RYR3: variants seen among roughly 807,000 people sequenced by gnomAD.
The protein encoded by RYR3 is brain ryanodine receptor-calcium release channel.
A neutral mutation model predicts 584.3 loss-of-function variants in RYR3; 207 were observed. That is an observed-to-expected ratio of 0.35 (90% CI 0.32 to 0.40). The LOEUF (loss-of-function observed/expected upper bound fraction) is 0.40. Ranked by LOEUF, RYR3 falls within the 10% of genes least tolerant of loss-of-function variation. RYR3 has a pLI of 1.00. For missense variants in RYR3, 5,616 were observed against 6,089.2 expected (o/e 0.92, Z 2.59); for synonymous variants, 2,416 against 2,248.5 (o/e 1.07, Z -2.11).
At chr15:33,856,653 TGTTTGTTTG>T (rs1368263393) in intron 98 of RYR3, 1 of 79,124 alleles carries the variant, frequency 1.3e-5, no homozygotes, top group African/African-American at 5.5e-5. Flanking sequence ...TTGGGTTTTT[TGTTTGTTTG>T]TTTGTTTGTT....
intron 1 of RYR3, among the ~76,000 whole-genome samples, chr15:33,336,779 G>T (rs1345891324): frequency 6.6e-6 from 1 of 151,906 alleles, no homozygotes; most frequent in African/African-American, 2.4e-5. Flanking sequence ...AACTCTGGCC[G>T]GGCGTGGTGG....
chr15:33,719,635 G>A (rs1028293186), intron 43 of RYR3, among the ~76,000 whole-genome samples: 1 of 152,200 alleles, frequency 6.6e-6, no homozygotes, highest in African/African-American at 2.4e-5. Context: ...GATAAGTACT[G>A]GAGGCCAAAA....
At chr15:33,647,136 A>T (rs960120295) in intron 29 of RYR3, among the ~76,000 whole-genome samples, 1 of 152,212 alleles carries the variant, frequency 6.6e-6, no homozygotes, top group Admixed American at 6.5e-5. Flanking sequence ...AGGATAACCT[A>T]TTCAGAGGTA....
rs528736127 is a variant in RYR3, at chr15:33,559,255, C to T, written c.973-3582C>T. 4.6e-5 allele frequency among the ~76,000 whole-genome samples: 7 copies of T among 152,304 alleles called. No individual in the cohort carries two copies. The South Asian group carries it at 1.4e-3, about 32-fold the overall frequency. On this transcript the variant is annotated intron_variant, in intron 10 of 103. Coordinates refer to ENST00000634891, the MANE Select transcript of RYR3 (RefSeq NM_001036.6). ...AAACCATGAGATCAGAGAATGTGTA[C>T]AGGTATCCTCCAGCTTTGGCTAAGT... is the stretch of plus-strand genomic sequence containing the variant.
intron 43 of RYR3, among the ~76,000 whole-genome samples, chr15:33,707,489 C>T (rs1469156097): frequency 2.6e-5 from 4 of 152,082 alleles, no homozygotes; most frequent in Non-Finnish European, 4.4e-5. Context: ...GATAAGTAAA[C>T]TCCCAGGAGA....
intron 2 of RYR3, among the ~76,000 whole-genome samples, chr15:33,475,082 C>G (rs1330029851): frequency 6.6e-6 from 1 of 151,704 alleles, no homozygotes; most frequent in Admixed American, 6.6e-5. Flanking sequence ...TTTTCATTCC[C>G]GGCAGTCTGG....
chr15:33,576,419 A>G (rs1034915888), intron 12 of RYR3, among the ~76,000 whole-genome samples: 1 of 152,242 alleles, frequency 6.6e-6, no homozygotes, highest in Admixed American at 6.5e-5. Flanking sequence ...CTTATCTAGC[A>G]TGATCAAGTT....
In RYR3 at chr15:33,848,431, C is replaced by T. The variant is rs1293043217; in HGVS notation, c.13628+10C>T. ...TGGTGATCAACACACCGTGAGTGTC[C>T]CTCTACCCCAACCTAAAAAGGAGAT... On this transcript the variant is annotated intron_variant, in intron 94 of 103. Coordinates refer to ENST00000634891, the MANE Select transcript of RYR3 (RefSeq NM_001036.6). 1.9e-6 allele frequency: 3 copies of T among 1,604,058 alleles called. No homozygotes were observed. Among genetic ancestry groups the T allele is most frequent in the Admixed American group, 3.5e-5 (2 of 56,890 alleles).
chr15:33,783,947 T>C (rs2074548561), intron 65 of RYR3, among the ~76,000 whole-genome samples: 1 of 152,216 alleles, frequency 6.6e-6, no homozygotes, highest in Non-Finnish European at 1.5e-5. Flanking sequence ...ATTAATCCTT[T>C]TCAGTTGTCT....
At chr15:33,369,974 A>G (rs1199985469) in intron 1 of RYR3, among the ~76,000 whole-genome samples, 2 of 152,246 alleles carry the variant, frequency 1.3e-5, no homozygotes, top group Non-Finnish European at 2.9e-5. Context: ...AGTGCCTAGC[A>G]CATGGAAAAT....
chr15:33,794,410 C>T (rs2075460078), intron 67 of RYR3, among the ~76,000 whole-genome samples: 1 of 148,054 alleles, frequency 6.8e-6, no homozygotes, highest in Non-Finnish European at 1.5e-5. Flanking sequence ...TACTCATTTT[C>T]ACACACAAAA....
At position 33,724,397 on chromosome 15, in the gene RYR3, C is replaced by G. The variant is rs974070823; in HGVS notation, c.6912+221C>G. 2.6e-5 allele frequency among the ~76,000 whole-genome samples: 4 copies of G among 152,220 alleles called. No individual in the cohort carries two copies. In the South Asian group the frequency reaches 8.3e-4, roughly 32 times the overall value. ...CAGATCCCTGTCTTGTGTGATTTCT[C>G]TGTGGCACTAGTTGAGCATGTCCTC... On this transcript the variant is annotated intron_variant, in intron 45 of 103. Coordinates refer to ENST00000634891, the MANE Select transcript of RYR3 (RefSeq NM_001036.6).
chr15:33,489,511 A>C (rs1306035299), intron 2 of RYR3, among the ~76,000 whole-genome samples: 1 of 152,192 alleles, frequency 6.6e-6, no homozygotes, highest in Non-Finnish European at 1.5e-5. Context: ...CTCCAGCTCC[A>C]TCCATGTTCC....
At chr15:33,353,121 T>C (rs994158642) in intron 1 of RYR3, among the ~76,000 whole-genome samples, 5 of 152,116 alleles carry the variant, frequency 3.3e-5, no homozygotes, top group Non-Finnish European at 7.3e-5. Context: ...GGTATATGAG[T>C]GCATTTTTTA....
chr15:33,519,051 T>C (rs1030945175), intron 3 of RYR3, among the ~76,000 whole-genome samples: 15 of 152,200 alleles, frequency 9.9e-5, no homozygotes, highest in African/African-American at 3.6e-4. Flanking sequence ...CTTTCCCCAG[T>C]CTGCTTTGTG....
At chr15:33,675,169 T>C (rs949263351) in intron 38 of RYR3, among the ~76,000 whole-genome samples, 14 of 152,360 alleles carry the variant, frequency 9.2e-5, no homozygotes, top group Non-Finnish European at 1.9e-4. Context: ...TTGTAATATT[T>C]GGTCTCCCAG....
chr15:33,740,440 T>C (rs1438947657), intron 51 of RYR3, among the ~76,000 whole-genome samples: 1 of 152,104 alleles, frequency 6.6e-6, no homozygotes, highest in East Asian at 1.9e-4. Context: ...GGCAGAACAG[T>C]GTGGGGTCCT....
intron 27 of RYR3, among the ~76,000 whole-genome samples, chr15:33,637,753 C>T (rs2061572191): frequency 6.6e-6 from 1 of 152,184 alleles, no homozygotes; most frequent in Non-Finnish European, 1.5e-5. Flanking sequence ...TTTTTTCAGA[C>T]ACCTATTGTT....
At chr15:33,533,513 GA>G (rs1202737727) in intron 5 of RYR3, 124 bp downstream of exon 5, 16 of 607,346 alleles carry the variant, frequency 2.6e-5, no homozygotes, top group East Asian at 5.7e-5. Context: ...AAATAGGTCT[GA>G]AAAAAAATTG....
Sources: allele counts gnomAD v4.1 joint callset (sites outside exome capture counted in the v4.1 genomes callset), GRCh38; gene constraint gnomAD v4.1.1; transcripts MANE v1.5; gene names NCBI Gene and HGNC (gene_info 2026-07-23, HGNC 2026-07-21).